Variants in CTNNA3 observed in about 807,000 individuals in gnomAD.
CTNNA3 encodes catenin alpha-3.
In CTNNA3, 76 loss-of-function variants were observed where a neutral mutation model predicts 95.7. That is an observed-to-expected ratio of 0.79 (90% confidence interval 0.66 to 0.96). The LOEUF is 0.96. Ranked by LOEUF, CTNNA3 falls within the 40% of genes least tolerant of loss-of-function variation. CTNNA3 has a pLI of 0.00. For synonymous variants in CTNNA3, 431 were observed against 374.4 expected (o/e 1.15, Z -1.74); for missense variants, 1,191 against 1,089.8 (o/e 1.09, Z -1.31).
At chr10:66,657,166 A>C (rs2132431123) in intron 9 of CTNNA3, among the ~76,000 whole-genome samples, 1 of 152,256 alleles carries the variant, frequency 6.6e-6, no homozygotes. Context: ...TGATGCTAAA[A>C]GAAGGTTCAT....
intron 10 of CTNNA3, among the ~76,000 whole-genome samples, chr10:66,543,631 T>C (rs1235193023): frequency 6.6e-6 from 1 of 151,860 alleles, no homozygotes; most frequent in African/African-American, 2.4e-5. Flanking sequence ...AAAATTTTTG[T>C]ATTTTTTAAT....
At chr10:66,586,593 G>T (rs535799916) in intron 10 of CTNNA3, among the ~76,000 whole-genome samples, 143 of 152,244 alleles carry the variant, frequency 9.4e-4, no homozygotes, top group Admixed American at 1.6e-3. Context: ...ACTTCCTGTG[G>T]ATAGTTACCT....
At chr10:66,037,117 C>G in intron 15 of CTNNA3, among the ~76,000 whole-genome samples, 1 of 151,954 alleles carries the variant, frequency 6.6e-6, no homozygotes, top group African/African-American at 2.4e-5. Context: ...CGTGATCCGC[C>G]CATCTCGGCC....
At chr10:67,580,764 G>C (rs1842364150) in intron 3 of CTNNA3, among the ~76,000 whole-genome samples, 2 of 150,496 alleles carry the variant, frequency 1.3e-5, no homozygotes, top group African/African-American at 4.9e-5. Flanking sequence ...TCCTTGAAGA[G>C]ATCCTTCACA....
intron 12 of CTNNA3, among the ~76,000 whole-genome samples, chr10:66,287,345 T>C (rs1343789648): frequency 6.6e-6 from 1 of 152,114 alleles, no homozygotes; most frequent in Non-Finnish European, 1.5e-5. Context: ...TTACTGTATG[T>C]GTTTTCTTGT....
chr10:67,566,052 T>C (rs1162001971), intron 3 of CTNNA3, among the ~76,000 whole-genome samples: 1 of 82,450 alleles, frequency 1.2e-5, no homozygotes, highest in Admixed American at 1.4e-4. Flanking sequence ...TGTATATATA[T>C]ATATATATAT....
intron 7 of CTNNA3, among the ~76,000 whole-genome samples, chr10:66,843,878 C>T (rs1843156244): frequency 6.6e-6 from 1 of 152,146 alleles, no homozygotes; most frequent in Non-Finnish European, 1.5e-5. Flanking sequence ...AGAAACAGAA[C>T]CTAAAATATT....
intron 1 of CTNNA3, among the ~76,000 whole-genome samples, chr10:67,715,945 G>A (rs1841139946): frequency 1.3e-5 from 2 of 152,074 alleles, no homozygotes; most frequent in South Asian, 4.1e-4. Context: ...GTTCTGAGTT[G>A]TAAGATCCCT....
chr10:66,849,276 C>T (rs1196975819), intron 7 of CTNNA3, among the ~76,000 whole-genome samples: 2 of 152,220 alleles, frequency 1.3e-5, no homozygotes, highest in Admixed American at 1.3e-4. Context: ...GGCTGACAAG[C>T]CATCAGGAAA....
At position 65,920,474 on chromosome 10, in the gene CTNNA3, CCA is replaced by C; in HGVS notation, c.2542_2543del (p.Trp848GlufsTer12). The part of the protein sequence containing the change: ...PAGPRHPVVM[W>X]RMKAPAKKPL... ...GTTTTTTTGCAGGAGCCTTCATTCT[CCA>C]CATCACAACTGGGTGCCGGGGCCCA... On this transcript the variant is annotated frameshift_variant, in exon 18 of 18. Transcript: ENST00000433211. LOFTEE classifies it high-confidence loss of function. 1 of 1,614,170 alleles carries C rather than the reference CCA, an allele frequency of 6.2e-7. No individual in the cohort carries two copies. The highest frequency in any genetic ancestry group is 1.1e-5 in the South Asian group (1 of 91,082).
At chr10:66,659,722 T>C (rs1846194239) in intron 9 of CTNNA3, among the ~76,000 whole-genome samples, 1 of 152,138 alleles carries the variant, frequency 6.6e-6, no homozygotes, top group Admixed American at 6.5e-5. Flanking sequence ...TCTTCTGCCA[T>C]GTGAGGACAC....
chr10:66,584,365 G>T (rs1476674042), intron 10 of CTNNA3, among the ~76,000 whole-genome samples: 1 of 151,824 alleles, frequency 6.6e-6, no homozygotes, highest in South Asian at 2.1e-4. Flanking sequence ...GAGCTCTAGA[G>T]TTCGGTGCAT....
chr10:66,541,567 G>A (rs1013129241), intron 10 of CTNNA3, among the ~76,000 whole-genome samples: 3 of 152,098 alleles, frequency 2.0e-5, no homozygotes, highest in Non-Finnish European at 2.9e-5. Flanking sequence ...TGTATTGTTA[G>A]GTAAAATGTT....
At chr10:66,094,584 C>T (rs1021125177) in intron 14 of CTNNA3, among the ~76,000 whole-genome samples, 5 of 152,066 alleles carry the variant, frequency 3.3e-5, no homozygotes, top group Admixed American at 6.6e-5. Flanking sequence ...CGCTTGAAAA[C>T]GGCTTTCTCC....
intron 9 of CTNNA3, among the ~76,000 whole-genome samples, chr10:66,718,865 T>C (rs1322545332): frequency 6.6e-6 from 1 of 152,104 alleles, no homozygotes; most frequent in Non-Finnish European, 1.5e-5. Flanking sequence ...TCACTGACAA[T>C]TGTTTGTTAA....
At chr10:66,964,021 A>AT (rs369835729) in intron 7 of CTNNA3, among the ~76,000 whole-genome samples, 2,608 of 149,212 alleles carry the variant, frequency 0.017, 83 homozygotes, top group African/African-American at 0.061. Context: ...TAATTTTCGT[A>AT]TTTTTTTTTC....
At chr10:67,397,420 C>T (rs1564623922) in intron 5 of CTNNA3, among the ~76,000 whole-genome samples, 2 of 152,166 alleles carry the variant, frequency 1.3e-5, no homozygotes, top group Admixed American at 1.3e-4. Flanking sequence ...TGCCCCTGCC[C>T]TAGAGACTTG....
At position 65,916,034 on chromosome 10, in the gene CTNNA3, T is replaced by C. The variant is rs1335573712; in HGVS notation, c.*4296A>G. The C allele has an allele frequency of 2.0e-5, 3 of 152,138 alleles. No individual in the cohort carries two copies. The highest frequency in any genetic ancestry group is 2.9e-5 in the Non-Finnish European group (2 of 68,026). 9.4% of individuals were successfully genotyped at this position (152,138 alleles called of 1,614,324 possible). A position where few individuals can be genotyped will look rare whatever the true frequency, so the allele number is the denominator to read the frequency against. On this transcript the variant is annotated 3_prime_UTR_variant, in exon 18 of 18. Coordinates refer to ENST00000433211, the MANE Select transcript of CTNNA3 (RefSeq NM_013266.4). Reference sequence around the variant, plus strand: ...GCCAAAATAAAAACTCTCAAACTGCTATTGTTATTAGTCCTGGCTTATTTG... The same window carrying C: ...GCCAAAATAAAAACTCTCAAACTGCCATTGTTATTAGTCCTGGCTTATTTG...
intron 5 of CTNNA3, among the ~76,000 whole-genome samples, chr10:67,463,185 G>A (rs144663141): frequency 2.0e-5 from 3 of 151,976 alleles, no homozygotes; most frequent in East Asian, 1.9e-4. Context: ...GATTATAGGC[G>A]TTAGCCACCA....
Sources: allele counts gnomAD v4.1 joint callset (sites outside exome capture counted in the v4.1 genomes callset), GRCh38; gene constraint gnomAD v4.1.1; transcripts MANE v1.5; gene names NCBI Gene and HGNC (gene_info 2026-07-23, HGNC 2026-07-21).